ARSG: variants seen among roughly 807,000 people sequenced by gnomAD.
ARSG encodes ASG.
ARSG carries 37 observed loss-of-function variants against 50.5 expected under a neutral mutation model. The observed-to-expected ratio is 0.73, with a 90% CI of 0.56 to 0.96. The LOEUF (loss-of-function observed/expected upper bound fraction) is 0.96, where lower values mean the gene tolerates loss of function less well. Among genes scored for constraint, ARSG ranks in the 50% least tolerant of loss-of-function variants. The pLI, the probability that ARSG is intolerant of heterozygous loss-of-function variation, is 0.00. For missense variants in ARSG, 629 were observed against 675.3 expected (o/e 0.93, Z 0.76); for synonymous variants, 225 against 254.6 (o/e 0.88, Z 1.11).
intron 2 of ARSG, among the ~76,000 whole-genome samples, chr17:68,333,631 A>AAATAATAATAAT (rs150655015): frequency 1.8e-4 from 25 of 142,732 alleles, no homozygotes; most frequent in African/African-American, 3.3e-4. Context: ...TCTGTCTCAA[A>AAATAATAATAAT]AATAATAATA....
intron 11 of ARSG, among the ~76,000 whole-genome samples, chr17:68,407,463 C>T (rs1301860943): frequency 6.6e-6 from 1 of 152,148 alleles, no homozygotes; most frequent in East Asian, 1.9e-4. Context: ...TGGTCATTTT[C>T]ACAATATTGA....
chr17:68,331,231 TTGTTTC>T (rs2077744721), intron 2 of ARSG, among the ~76,000 whole-genome samples: 1 of 18,456 alleles, frequency 5.4e-5, no homozygotes, highest in Non-Finnish European at 1.1e-4. Context: ...CTTTCTTTCT[TTGTTTC>T]TTTCTTTCTT....
At chr17:68,320,615 C>T (rs1555770257) in intron 2 of ARSG, among the ~76,000 whole-genome samples, 1 of 152,100 alleles carries the variant, frequency 6.6e-6, no homozygotes, top group Admixed American at 6.6e-5. Flanking sequence ...GATGGAGGGA[C>T]TGGGCATCTG....
chr17:68,369,468 A>C (rs1023757784), intron 7 of ARSG, among the ~76,000 whole-genome samples: 1 of 151,890 alleles, frequency 6.6e-6, no homozygotes, highest in African/African-American at 2.4e-5. Context: ...TAAACCTGGG[A>C]GGCGGAGGTT....
At chr17:68,426,242 T>TGGCGGG (rs1555798451), downstream of ARSG, 1 of 669,002 alleles carries the variant, frequency 1.5e-6, no homozygotes, top group Admixed American at 4.2e-5. Flanking sequence ...ACCTGGCGGG[T>TGGCGGG]GGGGAGCGGG....
At chr17:68,437,139 C>T in the ARSG span, among the ~76,000 whole-genome samples, 1 of 151,998 alleles carries the variant, frequency 6.6e-6, no homozygotes, top group South Asian at 2.1e-4. Flanking sequence ...TTCCTCAAAA[C>T]TGAAATAAAT....
In ARSG at chr17:68,260,210, G is replaced by A. The variant is rs1430178972; in HGVS notation, c.-552+784G>A. On this transcript the variant is annotated intron_variant, in intron 1 of 11. Coordinates refer to the ARSG transcript ENST00000448504. ...GAGGACACAAGCCTGCAGCAGCCGA[G>A]TAAACTTGCTTGTTGTTTAACCAAT... 4.6e-5 allele frequency among the ~76,000 whole-genome samples: 7 copies of A among 152,182 alleles called. No homozygotes were observed. In the East Asian group the frequency reaches 1.3e-3, roughly 29 times the overall value.
chr17:68,273,013 T>C (rs2075391697), intron 1 of ARSG, among the ~76,000 whole-genome samples: 1 of 152,134 alleles, frequency 6.6e-6, no homozygotes, highest in South Asian at 2.1e-4. Flanking sequence ...TTGCAACACT[T>C]TTTTTCAAAT....
chr17:68,372,877 ATTTTTTTTTTTTTTTTTTTTT>A (rs55668215), intron 8 of ARSG, among the ~76,000 whole-genome samples: 14 of 93,210 alleles, frequency 1.5e-4, no homozygotes, highest in African/African-American at 5.7e-4. Flanking sequence ...GGAAATGCTG[ATTTTTTTTTTTTTTTTTTTTT>A]TTTTTTTTTT....
intron 6 of ARSG, among the ~76,000 whole-genome samples, chr17:68,364,709 A>G (rs1014310678): frequency 1.2e-4 from 18 of 152,170 alleles, no homozygotes; most frequent in Non-Finnish European, 2.5e-4. Context: ...GTGCATAAAC[A>G]TATGTTTCCC....
chr17:68,360,701 C>T (rs2079241365), intron 6 of ARSG, among the ~76,000 whole-genome samples: 1 of 152,294 alleles, frequency 6.6e-6, no homozygotes, highest in East Asian at 1.9e-4. Context: ...CTAGCTGGGC[C>T]TCTGTTCCTT....
chr17:68,272,625 T>C, intron 1 of ARSG: 2 of 1,613,266 alleles, frequency 1.2e-6, no homozygotes, highest in Non-Finnish European at 1.7e-6. Context: ...CTTAGGCTGT[T>C]GTAGTCCACC....
At chr17:68,429,585 G>T in the ARSG span, among the ~76,000 whole-genome samples, 4 of 152,152 alleles carry the variant, frequency 2.6e-5, no homozygotes, top group East Asian at 7.7e-4. Context: ...TTCCTTTGGG[G>T]CAAGTTTTCT....
chr17:68,425,610 A>G (rs2083118391), downstream of ARSG, among the ~76,000 whole-genome samples: 1 of 152,178 alleles, frequency 6.6e-6, no homozygotes, highest in African/African-American at 2.4e-5. Flanking sequence ...GCTGGTTCAC[A>G]GAGTGCAGCA....
At position 68,385,184 on chromosome 17, in the gene ARSG, A is replaced by T; in HGVS notation, c.1091+12A>T. The T allele has an allele frequency of 6.2e-7, 1 of 1,609,750 alleles. No individual in the cohort carries two copies. Among genetic ancestry groups the T allele is most frequent in the South Asian group, 1.1e-5 (1 of 90,996 alleles). On this transcript the variant is annotated intron_variant, in intron 9 of 11. Transcript: ENST00000621439. Reference sequence around the variant, plus strand: ...ACTGCCTTGTTAAGGTATGAGACCAAAACTACCTTGAGATGTTGGGGCCCA... The same window carrying T: ...ACTGCCTTGTTAAGGTATGAGACCATAACTACCTTGAGATGTTGGGGCCCA...
At chr17:68,382,431 C>T (rs1297047354) in intron 8 of ARSG, among the ~76,000 whole-genome samples, 1 of 152,112 alleles carries the variant, frequency 6.6e-6, no homozygotes, top group Middle Eastern at 3.2e-3. Flanking sequence ...TTAGTAAGGG[C>T]TCAATAAATA....
chr17:68,321,209 AAG>A (rs1433873548), intron 2 of ARSG, among the ~76,000 whole-genome samples: 8 of 152,134 alleles, frequency 5.3e-5, no homozygotes, highest in African/African-American at 1.7e-4. Flanking sequence ...CAAAAAGAAA[AAG>A]AGTATAAATG....
downstream of ARSG, chr17:68,424,398 GT>G (rs2083011948): frequency 1.9e-6 from 1 of 531,656 alleles, no homozygotes; most frequent in Non-Finnish European, 3.9e-6. Context: ...TCACTAGAGG[GT>G]TCCACGGATC....
chr17:68,366,574 A>T (rs1182521112), intron 6 of ARSG, among the ~76,000 whole-genome samples: 1 of 152,086 alleles, frequency 6.6e-6, no homozygotes, highest in Non-Finnish European at 1.5e-5. Flanking sequence ...TGTACGAAAA[A>T]ACTAGGCAAG....
Sources: gnomAD v4.1 joint callset for allele counts (sites outside exome capture counted in the v4.1 genomes callset) on GRCh38, gnomAD v4.1.1 for gene constraint, MANE v1.5 for transcripts, NCBI Gene and HGNC (gene_info 2026-07-23, HGNC 2026-07-21) for gene names.